The following DDB1 variants were observed in gnomAD, a reference collection of about 807,000 sequenced individuals.
DDB1 encodes DNA damage-binding protein 1.
In DDB1, 18 loss-of-function variants were observed where a neutral mutation model predicts 133.1. That is an observed-to-expected ratio of 0.14 (90% CI 0.09 to 0.20). The LOEUF is 0.20. Ranked by LOEUF, DDB1 falls within the 10% of genes least tolerant of loss-of-function variation. The pLI is 1.00. For synonymous variants in DDB1, 580 were observed against 550.5 expected (o/e 1.05, Z -0.75); for missense variants, 828 against 1,459.2 (o/e 0.57, Z 7.05).
At chr11:61,331,481 A>G in intron 2 of DDB1, 62 bp downstream of exon 2, 1 of 1,578,278 alleles carries the variant, frequency 6.3e-7, no homozygotes. Flanking sequence ...AACAAAAATA[A>G]CATAAAACAA....
intron 21 of DDB1, among the ~76,000 whole-genome samples, chr11:61,308,614 G>A (rs1855913298): frequency 6.6e-6 from 1 of 152,202 alleles, no homozygotes; most frequent in Non-Finnish European, 1.5e-5. Flanking sequence ...CAAGGGAGGA[G>A]GTAGGGTCAT....
intron 21 of DDB1, among the ~76,000 whole-genome samples, chr11:61,307,479 T>C (rs1182865698): frequency 6.6e-6 from 1 of 152,226 alleles, no homozygotes; most frequent in Admixed American, 6.5e-5. Context: ...CACTATTCTC[T>C]CGGTTCTCCT....
chr11:61,311,003 C>T (rs773706273), intron 18 of DDB1: 1 of 152,338 alleles, frequency 6.6e-6, no homozygotes, highest in African/African-American at 2.4e-5. Context: ...CTTGTAATTC[C>T]AGCACTTCGG....
At chr11:61,314,709 A>G in intron 12 of DDB1, 1 of 468,544 alleles carries the variant, frequency 2.1e-6, no homozygotes, top group Non-Finnish European at 3.7e-6. Context: ...ACAAACCTAC[A>G]GCTGGTGGGG....
chr11:61,305,095 C>T (rs1274603476), intron 21 of DDB1, among the ~76,000 whole-genome samples: 1 of 151,722 alleles, frequency 6.6e-6, no homozygotes, highest in East Asian at 2.0e-4. Context: ...AGATAATCCC[C>T]ATGGCCTCTG....
intron 16 of DDB1, among the ~76,000 whole-genome samples, chr11:61,312,833 C>T (rs562451721): frequency 1.3e-5 from 2 of 151,844 alleles, no homozygotes; most frequent in East Asian, 1.9e-4. Flanking sequence ...TCCTGACCTC[C>T]GGTGATCCAC....
At position 61,311,822 on chromosome 11, in the gene DDB1, C is replaced by A. The variant is rs1378547011; in HGVS notation, c.2239G>T (p.Gly747Trp). Reference sequence around the variant, plus strand: ...CTGGGCCTCAAGGCTGTCGTGCCCCCACTCGTGTCTTGGACTTCAATGCGG... The same window carrying A: ...CTGGGCCTCAAGGCTGTCGTGCCCCAACTCGTGTCTTGGACTTCAATGCGG... ...SSRIEVQDTSGGTTALRPSAS... is the reference protein window; with the variant it reads ...SSRIEVQDTSWGTTALRPSAS... Residue 747 changes from glycine to tryptophan, a missense_variant, in exon 18 of 27, where the codon GGG becomes TGG. Gly to Trp is a radical substitution (Grantham distance 184). Transcript: ENST00000301764. The A allele has an allele frequency of 1.9e-6, 3 of 1,614,008 alleles. No individual in the cohort carries two copies. Among genetic ancestry groups the A allele is most frequent in the East Asian group, 2.2e-5 (1 of 44,880 alleles).
intron 1 of DDB1, 141 bp from the exon 2 acceptor site, chr11:61,331,832 C>T: frequency 8.5e-7 from 1 of 1,177,620 alleles, no homozygotes; most frequent in Non-Finnish European, 1.2e-6. Flanking sequence ...AGCTACTCCC[C>T]TTCTTGCCAA....
chr11:61,300,044 C>G lies in DDB1; in HGVS notation c.*92G>C. On this transcript the variant is annotated 3_prime_UTR_variant, in exon 27 of 27. Coordinates refer to ENST00000301764, the MANE Select transcript of DDB1 (RefSeq NM_001923.5). Reference sequence around the variant, plus strand: ...GGGCAGCTGGCTTAGGGAAAGGCCTCCCATGGCCAAGAAGACGATGGTGGA... The same window carrying G: ...GGGCAGCTGGCTTAGGGAAAGGCCTGCCATGGCCAAGAAGACGATGGTGGA... 2 of 1,355,026 alleles carry G rather than the reference C, an allele frequency of 1.5e-6. No homozygotes were observed. The highest frequency in any genetic ancestry group is 2.1e-6 in the Non-Finnish European group (2 of 952,906). 83.9% of individuals were successfully genotyped at this position (1,355,026 alleles called of 1,614,324 possible).
At chr11:61,329,705 T>C (rs773969205) in intron 3 of DDB1, 121 bp from the exon 4 acceptor site, 121 of 907,390 alleles carry the variant, frequency 1.3e-4, no homozygotes, top group Non-Finnish European at 1.9e-4. Flanking sequence ...ATCTATTTGA[T>C]AGGCCAAATA....
At chr11:61,310,191 T>C in intron 19 of DDB1, 104 bp downstream of exon 19, 2 of 1,505,454 alleles carry the variant, frequency 1.3e-6, no homozygotes, top group Non-Finnish European at 1.8e-6. Flanking sequence ...CTGCTCCTCC[T>C]AGGACAGTCT....
At chr11:61,316,198 T>C (rs1229549281) in intron 12 of DDB1, 87 bp downstream of exon 12, 2 of 1,104,764 alleles carry the variant, frequency 1.8e-6, no homozygotes, top group African/African-American at 3.1e-5. Context: ...CCATAAAAAT[T>C]GGTTGTTTTA....
chr11:61,310,284 C>A lies in DDB1; in HGVS notation c.2401+11G>T, dbSNP rs748275911. ...GCGTAGATAAAAATTATCGAAAGAG[C>A]TCATGTGCACCTTCAAAGGTGTGTT... On this transcript the variant is annotated intron_variant, in intron 19 of 26. Coordinates refer to ENST00000301764, the MANE Select transcript of DDB1 (RefSeq NM_001923.5). 5.6e-6 allele frequency: 9 copies of A among 1,603,592 alleles called. No homozygotes were observed. The highest frequency in any genetic ancestry group is 7.7e-6 in the Non-Finnish European group (9 of 1,176,270).
At chr11:61,325,740 A>C (rs187894619) in intron 5 of DDB1, 32 bp from the exon 6 acceptor site, 7 of 1,576,944 alleles carry the variant, frequency 4.4e-6, no homozygotes, top group East Asian at 4.5e-5. Context: ...TAGAATGCTC[A>C]GCACTCTGGG....
At chr11:61,318,283 A>G (rs1856123261) in intron 10 of DDB1, among the ~76,000 whole-genome samples, 1 of 152,224 alleles carries the variant, frequency 6.6e-6, no homozygotes, top group African/African-American at 2.4e-5. Flanking sequence ...ACAAGAAATA[A>G]GCTTGTATTT....
chr11:61,331,899 AGACT>A, intron 1 of DDB1: 1 of 587,046 alleles, frequency 1.7e-6, no homozygotes, highest in African/African-American at 1.9e-5. Context: ...TTCCCTAATC[AGACT>A]AAGAAAACTG....
Position 61,313,701 on chromosome 11 carries a change from A to G in DDB1, c.1867T>C (p.Leu623=). 1.2e-6 allele frequency: 2 copies of G among 1,607,956 alleles called. No homozygotes were observed. The highest frequency in any genetic ancestry group is 1.7e-6 in the Non-Finnish European group (2 of 1,176,730). The change falls in exon 16 of 27, where the codon TTG becomes CTG. Residue 623 remains leucine (L), a synonymous_variant. Coordinates refer to ENST00000301764, the MANE Select transcript of DDB1 (RefSeq NM_001923.5). ...AAAGTCACCTTCTTACGGTCGCTCA[A>G]CAGACCTACAGAGAGAATGACATCA... ...YFGLNIETGL[L]SDRKKVTLGT...
intron 21 of DDB1, among the ~76,000 whole-genome samples, chr11:61,305,988 G>A (rs534212786): frequency 2.0e-5 from 3 of 152,284 alleles, no homozygotes; most frequent in African/African-American, 4.8e-5. Context: ...TAGATATTGG[G>A]TTAAATAAAA....
intron 21 of DDB1, 79 bp from the exon 22 acceptor site, chr11:61,304,114 A>G: frequency 6.6e-7 from 1 of 1,522,584 alleles, no homozygotes; most frequent in Non-Finnish European, 9.0e-7. Flanking sequence ...TCGACCCTTC[A>G]TCTGCAGCAC....
Sources: allele counts gnomAD v4.1 joint callset (sites outside exome capture counted in the v4.1 genomes callset), GRCh38; gene constraint gnomAD v4.1.1; transcripts MANE v1.5; gene names NCBI Gene and HGNC (gene_info 2026-07-23, HGNC 2026-07-21).